Variants in GRM7 observed in about 807,000 individuals in gnomAD.
The protein encoded by GRM7 is glutamate metabotropic receptor 7.
GRM7 carries 35 observed loss-of-function variants against 84.5 expected under a neutral mutation model. The observed-to-expected ratio is 0.41, with a 90% confidence interval of 0.32 to 0.55. GRM7 has a LOEUF of 0.55. Among genes scored for constraint, GRM7 ranks in the 20% least tolerant of loss-of-function variants. The pLI, the probability that GRM7 is intolerant of heterozygous loss-of-function variation, is 0.19. For missense variants in GRM7, 1,003 were observed against 1,194.6 expected (o/e 0.84, Z 2.36); for synonymous variants, 487 against 455.1 (o/e 1.07, Z -0.89).
intron 8 of GRM7, among the ~76,000 whole-genome samples, chr3:7,635,271 G>T (rs1356661478): frequency 6.6e-6 from 1 of 152,142 alleles, no homozygotes; most frequent in Non-Finnish European, 1.5e-5. Flanking sequence ...AGAGTAGATG[G>T]GACTTTGAAA....
intron 9 of GRM7, among the ~76,000 whole-genome samples, chr3:7,721,715 G>A (rs1701955969): frequency 1.3e-5 from 2 of 152,116 alleles, no homozygotes; most frequent in South Asian, 2.1e-4. Flanking sequence ...ACTACAATGA[G>A]GTTCTCAAAC....
chr3:7,683,977 C>A (rs1559485715), intron 9 of GRM7, among the ~76,000 whole-genome samples: 1 of 151,924 alleles, frequency 6.6e-6, no homozygotes, highest in Admixed American at 6.6e-5. Context: ...GACAAACATA[C>A]AAATAGTCAT....
At chr3:7,542,574 A>T in intron 7 of GRM7, among the ~76,000 whole-genome samples, 1 of 141,026 alleles carries the variant, frequency 7.1e-6, no homozygotes. Flanking sequence ...TTTTTGACAG[A>T]GTCTCACTCT....
intron 5 of GRM7, among the ~76,000 whole-genome samples, chr3:7,420,809 A>G (rs1696361235): frequency 6.6e-6 from 1 of 152,174 alleles, no homozygotes; most frequent in South Asian, 2.1e-4. Context: ...GCTAAGGTAT[A>G]TAACTTTGAG....
intron 1 of GRM7, among the ~76,000 whole-genome samples, chr3:6,918,998 A>G (rs150431059): frequency 1.3e-5 from 2 of 152,316 alleles, no homozygotes; most frequent in African/African-American, 4.8e-5. Flanking sequence ...AACAAAATCA[A>G]TCTTTATGGC....
chr3:7,567,185 CATT>C (rs1488003758), intron 7 of GRM7, among the ~76,000 whole-genome samples: 1 of 152,150 alleles, frequency 6.6e-6, no homozygotes, highest in African/African-American at 2.4e-5. Flanking sequence ...TAACCAATAA[CATT>C]ATGAAACTTA....
intron 1 of GRM7, among the ~76,000 whole-genome samples, chr3:6,944,538 A>G (rs151312660): frequency 8.7e-4 from 133 of 152,266 alleles, no homozygotes; most frequent in African/African-American, 2.7e-3. Context: ...CTTGGTCATG[A>G]CAAATGATCA....
At chr3:7,005,410 T>C (rs994751933) in intron 1 of GRM7, among the ~76,000 whole-genome samples, 2 of 152,230 alleles carry the variant, frequency 1.3e-5, no homozygotes, top group Non-Finnish European at 2.9e-5. Flanking sequence ...AAGAGTCTGA[T>C]AAATCAATTT....
At chr3:7,050,098 A>G (rs886675736) in intron 1 of GRM7, among the ~76,000 whole-genome samples, 5 of 151,924 alleles carry the variant, frequency 3.3e-5, no homozygotes, top group African/African-American at 4.8e-5. Context: ...GAAGGATACA[A>G]GGCTATGAGG....
chr3:7,263,869 T>G (rs1483991530), intron 2 of GRM7, among the ~76,000 whole-genome samples: 4 of 152,050 alleles, frequency 2.6e-5, no homozygotes, highest in African/African-American at 9.7e-5. Context: ...GCTACAGGCA[T>G]GCTGGTGGGG....
At chr3:7,696,196 C>G (rs940064911) in intron 9 of GRM7, among the ~76,000 whole-genome samples, 8 of 152,162 alleles carry the variant, frequency 5.3e-5, no homozygotes, top group Non-Finnish European at 1.2e-4. Context: ...GGACCCATTT[C>G]TTTTGTAGCT....
intron 4 of GRM7, among the ~76,000 whole-genome samples, chr3:7,335,799 A>G (rs1329473395): frequency 1.3e-5 from 2 of 152,106 alleles, no homozygotes; most frequent in African/African-American, 4.8e-5. Flanking sequence ...CAAACTAGAA[A>G]ACCTAGAGGA....
intron 7 of GRM7, among the ~76,000 whole-genome samples, chr3:7,543,603 G>A (rs1382704485): frequency 6.6e-6 from 1 of 152,228 alleles, no homozygotes; most frequent in Non-Finnish European, 1.5e-5. Flanking sequence ...TCACATCCTT[G>A]AAGTGAAAAG....
At chr3:7,145,228 G>A (rs569770166) in intron 1 of GRM7, among the ~76,000 whole-genome samples, 2 of 152,068 alleles carry the variant, frequency 1.3e-5, no homozygotes, top group African/African-American at 4.8e-5. Flanking sequence ...TTGGACACCC[G>A]AGAAACCTTT....
intron 1 of GRM7, among the ~76,000 whole-genome samples, chr3:6,944,454 G>C (rs1282629667): frequency 6.6e-6 from 1 of 152,026 alleles, no homozygotes. Flanking sequence ...TCTTTTTAAA[G>C]TTTGTCAATA....
intron 2 of GRM7, among the ~76,000 whole-genome samples, chr3:7,209,871 G>T (rs1465698764): frequency 1.3e-5 from 2 of 152,272 alleles, no homozygotes; most frequent in African/African-American, 2.4e-5. Context: ...TGAGGATAAA[G>T]GATCAACGGT....
In GRM7 at chr3:6,862,927, C is replaced by T. The variant is rs942012594; in HGVS notation, c.519+1020C>T. 6.8e-6 allele frequency: 3 copies of T among 440,378 alleles called. No individual in the cohort carries two copies. In the East Asian group the frequency reaches 2.3e-4, roughly 33 times the overall value. 27.3% of individuals were successfully genotyped at this position (440,378 alleles called of 1,614,324 possible). On this transcript the variant is annotated intron_variant, in intron 1 of 9. Coordinates refer to ENST00000357716, the MANE Select transcript of GRM7 (RefSeq NM_000844.4). This position sits in a 1 kb window ranked among gnomAD's most constrained non-coding sequence, Gnocchi z 5.2. ...GGAAGGCGGATCCGGGGCCGCTGAG[C>T]GGTGGGTTCTGCCGCAGTGTTCTCT... is the stretch of plus-strand genomic sequence containing the variant.
rs539075555 is a variant in GRM7 at position 6,903,960 on chromosome 3, A to G, written c.519+42053A>G. ...CATGACCTGTGCTCATTTTTCTAAT[A>G]AATGTTATGTGTTTTCATTTAGATT... On this transcript the variant is annotated intron_variant, in intron 1 of 9. Transcript: ENST00000357716. 2.6e-5 allele frequency among the ~76,000 whole-genome samples: 4 copies of G among 152,240 alleles called. No individual in the cohort carries two copies. The South Asian group carries it at 8.3e-4, about 32-fold the overall frequency.
chr3:7,192,036 C>G (rs1203588906), intron 2 of GRM7, among the ~76,000 whole-genome samples: 1 of 152,052 alleles, frequency 6.6e-6, no homozygotes, highest in Non-Finnish European at 1.5e-5. Context: ...TCAGAACTCT[C>G]TACTGAGAAT....
Sources: allele counts gnomAD v4.1 joint callset (sites outside exome capture counted in the v4.1 genomes callset), GRCh38; gene constraint gnomAD v4.1.1; non-coding constraint Gnocchi (gnomAD v3.1); transcripts MANE v1.5; gene names NCBI Gene and HGNC (gene_info 2026-07-23, HGNC 2026-07-21).